DRC11: variants seen among roughly 807,000 people sequenced by gnomAD.
DRC11 encodes the protein IQ and AAA domain-containing protein 1.
At chr2:236,477,382 G>A in the DRC11 span, among the ~76,000 whole-genome samples, 69 of 152,284 alleles carry the variant, frequency 4.5e-4, no homozygotes, top group African/African-American at 1.5e-3. Context: ...ATTATTTACT[G>A]CTCACTAAGT....
At chr2:236,426,497 A>G in the DRC11 span, among the ~76,000 whole-genome samples, 1 of 152,136 alleles carries the variant, frequency 6.6e-6, no homozygotes, top group South Asian at 2.1e-4. This position sits in a 1 kb window ranked among gnomAD's most constrained non-coding sequence, Gnocchi z 4.1. Flanking sequence ...GTATCTTGCA[A>G]CTTTACTAAA....
At chr2:236,370,681 A>G in the DRC11 span, among the ~76,000 whole-genome samples, 1 of 152,188 alleles carries the variant, frequency 6.6e-6, no homozygotes, top group East Asian at 1.9e-4. The surrounding 1 kb of genome is among the most constrained non-coding windows in gnomAD (Gnocchi z 5.5). Flanking sequence ...TTAAAGTGAT[A>G]TAAAGAAAAT....
the DRC11 span, among the ~76,000 whole-genome samples, chr2:236,381,902 A>G: frequency 6.6e-6 from 1 of 152,144 alleles, no homozygotes; most frequent in Non-Finnish European, 1.5e-5. The surrounding 1 kb of genome is among the most constrained non-coding windows in gnomAD (Gnocchi z 5.8). Context: ...TGTGGTTTGC[A>G]AATATTTCCT....
At chr2:236,476,133 C>G in the DRC11 span, among the ~76,000 whole-genome samples, 1 of 151,974 alleles carries the variant, frequency 6.6e-6, no homozygotes, top group African/African-American at 2.4e-5. The surrounding 1 kb of genome is among the most constrained non-coding windows in gnomAD (Gnocchi z 4.7). Flanking sequence ...ATAGAGATTG[C>G]ACTAAATCTG....
chr2:236,388,682 C>A, the DRC11 span, among the ~76,000 whole-genome samples: 9 of 150,916 alleles, frequency 6.0e-5, no homozygotes, highest in South Asian at 2.1e-4. Flanking sequence ...ATTCTCCATC[C>A]AGCTTTGTTC....
At chr2:236,411,935 T>C in the DRC11 span, among the ~76,000 whole-genome samples, 2,032 of 146,986 alleles carry the variant, frequency 0.014, 58 homozygotes, top group African/African-American at 0.048. Context: ...TTGGGAGATA[T>C]ACCTAATGCT....
At chr2:236,331,432 A>G in the DRC11 span, 1 of 1,613,952 alleles carries the variant, frequency 6.2e-7, no homozygotes. This position sits in a 1 kb window ranked among gnomAD's most constrained non-coding sequence, Gnocchi z 4.8. Context: ...AACTGCAGTG[A>G]GAGGTTTATG....
chr2:236,383,743 C>A, the DRC11 span, among the ~76,000 whole-genome samples: 3 of 151,774 alleles, frequency 2.0e-5, no homozygotes, highest in African/African-American at 7.3e-5. Context: ...ATACATGTGC[C>A]ATGCTGGTGC....
the DRC11 span, among the ~76,000 whole-genome samples, chr2:236,476,095 T>C: frequency 8.5e-5 from 13 of 152,296 alleles, no homozygotes; most frequent in East Asian, 2.3e-3. This position sits in a 1 kb window ranked among gnomAD's most constrained non-coding sequence, Gnocchi z 4.7. Context: ...AGAATTTTTT[T>C]TCTATTTTTG....
At chr2:236,439,371 C>A in the DRC11 span, among the ~76,000 whole-genome samples, 1 of 152,140 alleles carries the variant, frequency 6.6e-6, no homozygotes, top group East Asian at 1.9e-4. Context: ...TCCATGCATT[C>A]ATTCTTCAGA....
the DRC11 span, among the ~76,000 whole-genome samples, chr2:236,339,972 T>C: frequency 2.0e-5 from 3 of 152,248 alleles, no homozygotes; most frequent in African/African-American, 7.2e-5. Context: ...ATTGAATATG[T>C]AGGCCAATTT....
the DRC11 span, chr2:236,367,797 A>C: frequency 3.9e-6 from 1 of 258,784 alleles, no homozygotes; most frequent in Non-Finnish European, 7.6e-6. This position sits in a 1 kb window ranked among gnomAD's most constrained non-coding sequence, Gnocchi z 4.8. Flanking sequence ...CATGAAACAC[A>C]CTTGCACTGA....
the DRC11 span, among the ~76,000 whole-genome samples, chr2:236,481,556 T>C: frequency 6.6e-6 from 1 of 152,170 alleles, no homozygotes; most frequent in African/African-American, 2.4e-5. Context: ...TGATTTTCTG[T>C]TGGGGGGAGT....
the DRC11 span, among the ~76,000 whole-genome samples, chr2:236,397,246 C>T: frequency 8.5e-5 from 13 of 152,256 alleles, no homozygotes; most frequent in Non-Finnish European, 1.9e-4. The surrounding 1 kb of genome is among the most constrained non-coding windows in gnomAD (Gnocchi z 5.0). Flanking sequence ...GAGCCCCTGA[C>T]TTCCTGCCAT....
the DRC11 span, among the ~76,000 whole-genome samples, chr2:236,415,325 G>A: frequency 1.6e-4 from 25 of 152,268 alleles, no homozygotes; most frequent in Non-Finnish European, 2.9e-4. This position sits in a 1 kb window ranked among gnomAD's most constrained non-coding sequence, Gnocchi z 5.7. Context: ...ATAAGCCAGC[G>A]TCCAGACAAG....
chr2:236,313,871 T>G, the DRC11 span, among the ~76,000 whole-genome samples: 1 of 152,168 alleles, frequency 6.6e-6, no homozygotes. This position sits in a 1 kb window ranked among gnomAD's most constrained non-coding sequence, Gnocchi z 4.5. Context: ...ATTTTAGAAA[T>G]GGAGGATGGA....
At chr2:236,331,944 G>C in the DRC11 span, 7 of 211,642 alleles carry the variant, frequency 3.3e-5, no homozygotes, top group Admixed American at 2.6e-4. This position sits in a 1 kb window ranked among gnomAD's most constrained non-coding sequence, Gnocchi z 4.8. Context: ...GTGTATAATG[G>C]CATCTCTTCT....
the DRC11 span, among the ~76,000 whole-genome samples, chr2:236,323,490 C>T: frequency 3.3e-5 from 5 of 152,178 alleles, no homozygotes; most frequent in African/African-American, 7.2e-5. The surrounding 1 kb of genome is among the most constrained non-coding windows in gnomAD (Gnocchi z 6.4). Flanking sequence ...CAGGGCACAT[C>T]GGCCTGTGAC....
chr2:236,449,967 G>T, the DRC11 span, among the ~76,000 whole-genome samples: 1 of 152,206 alleles, frequency 6.6e-6, no homozygotes, highest in Non-Finnish European at 1.5e-5. This position sits in a 1 kb window ranked among gnomAD's most constrained non-coding sequence, Gnocchi z 5.1. Context: ...ACAGTTGCAG[G>T]TGCTCAGAGA....
Sources: gnomAD v4.1 joint callset for allele counts (sites outside exome capture counted in the v4.1 genomes callset) on GRCh38, gnomAD v4.1.1 for gene constraint, Gnocchi (gnomAD v3.1) non-coding constraint, MANE v1.5 for transcripts, NCBI Gene and HGNC (gene_info 2026-07-23, HGNC 2026-07-21) for gene names.